Variants in CD109 observed in about 807,000 individuals in gnomAD.
CD109 encodes the protein CD109 molecule, also known as CD109 antigen.
In CD109, 149 loss-of-function variants were observed where a neutral mutation model predicts 165.8. The observed-to-expected ratio is 0.90, with a 90% CI of 0.79 to 1.03. The LOEUF (loss-of-function observed/expected upper bound fraction) is 1.03, where lower values mean the gene tolerates loss of function less well. Among genes scored for constraint, CD109 ranks in the 50% least tolerant of loss-of-function variants. The pLI, the probability that CD109 is intolerant of heterozygous loss-of-function variation, is 0.00. For synonymous variants in CD109, 585 were observed against 592.1 expected (o/e 0.99, Z 0.18); for missense variants, 1,712 against 1,677.8 (o/e 1.02, Z -0.36).
At chr6:73,687,303 T>TA in the CD109 span, among the ~76,000 whole-genome samples, 36 of 152,120 alleles carry the variant, frequency 2.4e-4, no homozygotes, top group East Asian at 5.6e-3. Flanking sequence ...AGTGAATAAC[T>TA]AAAAAAAACC....
upstream of CD109, chr6:73,694,972 G>A (rs1216686253): frequency 2.0e-5 from 3 of 152,216 alleles, no homozygotes; most frequent in Non-Finnish European, 1.5e-5. Flanking sequence ...TGTTCAGCAG[G>A]GAGAAAAAGG....
chr6:73,771,450 G>C lies in CD109; in HGVS notation c.1696G>C (p.Val566Leu). ...TTAGATAAAGCTATATTGGAGTAAA[G>C]TGAAAGCTGAACCATCTGAGAAAGT... is the stretch of plus-strand genomic sequence containing the variant. ...KNKIKLYWSK[V>L]KAEPSEKVSL... is the part of the protein sequence containing the mutation. Residue 566 changes from valine to leucine, a missense_variant, in exon 15 of 33, where the codon GTG becomes CTG. Transcript: ENST00000287097. 1 of 1,606,048 alleles carries C rather than the reference G, an allele frequency of 6.2e-7. No individual in the cohort carries two copies. The highest frequency in any genetic ancestry group is 1.7e-5 in the Admixed American group (1 of 58,116).
chr6:73,746,692 G>C (rs1264828652), intron 5 of CD109, among the ~76,000 whole-genome samples: 1 of 151,884 alleles, frequency 6.6e-6, no homozygotes, highest in African/African-American at 2.4e-5. Flanking sequence ...GAATGTGCTT[G>C]TGATCCCTGG....
chr6:73,686,658 T>C, the CD109 span, among the ~76,000 whole-genome samples: 5 of 152,286 alleles, frequency 3.3e-5, no homozygotes, highest in African/African-American at 1.2e-4. Flanking sequence ...TAAATTAAAT[T>C]AAAAATTCAA....
intron 2 of CD109, among the ~76,000 whole-genome samples, chr6:73,716,760 T>C (rs757710056): frequency 3.9e-5 from 6 of 152,234 alleles, no homozygotes; most frequent in Non-Finnish European, 8.8e-5. Flanking sequence ...TTTCCTTTAT[T>C]GCGCAGAAGC....
At chr6:73,791,192 C>CAT (rs58117133) in intron 22 of CD109, among the ~76,000 whole-genome samples, 1,626 of 69,166 alleles carry the variant, frequency 0.024, 85 homozygotes, top group African/African-American at 0.056. Context: ...CACACACATA[C>CAT]ATATATATAT....
At chr6:73,821,683 G>C (rs1322615930) in intron 32 of CD109, among the ~76,000 whole-genome samples, 1 of 152,076 alleles carries the variant, frequency 6.6e-6, no homozygotes, top group Admixed American at 6.6e-5. Context: ...GGTACACATG[G>C]ACATAAAAAT....
At chr6:73,706,223 G>A (rs1771260631) in intron 2 of CD109, among the ~76,000 whole-genome samples, 1 of 152,154 alleles carries the variant, frequency 6.6e-6, no homozygotes, top group South Asian at 2.1e-4. Context: ...CCACTTTATA[G>A]GAAATGGGGG....
At position 73,808,291 on chromosome 6, in the gene CD109, T is replaced by C. The variant is rs777639921; in HGVS notation, c.3355+43T>C. ...CTTGAGGTTGTTATGCTTTATGAAA[T>C]ATATAACTTACATGAGAAAAATTTT... On this transcript the variant is annotated intron_variant, in intron 26 of 32. Transcript: ENST00000287097. 4 of 1,560,838 alleles carry C rather than the reference T, an allele frequency of 2.6e-6. 1 individual carries two copies. The highest frequency in any genetic ancestry group is 3.5e-6 in the Non-Finnish European group (4 of 1,158,070).
chr6:73,779,322 C>T (rs989697814), intron 15 of CD109, among the ~76,000 whole-genome samples: 1 of 149,930 alleles, frequency 6.7e-6, no homozygotes, highest in Admixed American at 6.7e-5. Flanking sequence ...GATCTTGGCT[C>T]ACTGCAACCT....
At chr6:73,695,632 T>C (rs1179528997), upstream of CD109, 1 of 152,238 alleles carries the variant, frequency 6.6e-6, no homozygotes, top group African/African-American at 2.4e-5. Flanking sequence ...AGTTTTTCTG[T>C]TTCCATTCAT....
chr6:73,695,163 T>G (rs3846755), upstream of CD109: 26,763 of 152,228 alleles, frequency 0.18, 2,585 homozygotes, highest in East Asian at 0.34. Flanking sequence ...AACCGCTCCA[T>G]GAATTAGAAA....
At chr6:73,812,960 T>TA (rs1321541061) in intron 29 of CD109, among the ~76,000 whole-genome samples, 5 of 151,900 alleles carry the variant, frequency 3.3e-5, no homozygotes, top group Admixed American at 2.0e-4. Context: ...ACTGAGAAAG[T>TA]AAAAAAATGG....
At chr6:73,822,637 G>A (rs879621660) in intron 32 of CD109, among the ~76,000 whole-genome samples, 1 of 152,210 alleles carries the variant, frequency 6.6e-6, no homozygotes, top group Non-Finnish European at 1.5e-5. Flanking sequence ...TTTCTTGGGT[G>A]CATGGGGAAC....
intron 29 of CD109, among the ~76,000 whole-genome samples, chr6:73,814,318 A>T (rs1256840920): frequency 6.6e-6 from 1 of 152,110 alleles, no homozygotes; most frequent in East Asian, 1.9e-4. Flanking sequence ...CCATCTGGAG[A>T]TGAGATTGGA....
intron 2 of CD109, among the ~76,000 whole-genome samples, chr6:73,702,699 G>A (rs988821468): frequency 1.3e-5 from 2 of 152,204 alleles, no homozygotes; most frequent in African/African-American, 4.8e-5. Context: ...TTGTGTGGCT[G>A]TGGGCAGTCA....
intron 7 of CD109, among the ~76,000 whole-genome samples, chr6:73,760,406 CAAAAAAAAAAA>C (rs35181896): frequency 2.4e-4 from 4 of 16,596 alleles, no homozygotes; most frequent in South Asian, 3.4e-3. Context: ...GACCCCGTCT[CAAAAAAAAAAA>C]AAAAAAAAAA....
chr6:73,747,209 C>T (rs1024472511), intron 5 of CD109, among the ~76,000 whole-genome samples: 3 of 152,318 alleles, frequency 2.0e-5, no homozygotes, highest in Admixed American at 2.0e-4. Flanking sequence ...CTCTTTCTGT[C>T]TTAGATCTTT....
chr6:73,702,691 G>A (rs1255332374), intron 2 of CD109, among the ~76,000 whole-genome samples: 1 of 152,166 alleles, frequency 6.6e-6, no homozygotes, highest in African/African-American at 2.4e-5. Context: ...CTTAGTGGTT[G>A]TGTGGCTGTG....
Sources: allele counts gnomAD v4.1 joint callset (sites outside exome capture counted in the v4.1 genomes callset), GRCh38; gene constraint gnomAD v4.1.1; transcripts MANE v1.5; gene names NCBI Gene and HGNC (gene_info 2026-07-23, HGNC 2026-07-21).